ASPSCR1: variants seen among roughly 807,000 people sequenced by gnomAD.
ASPSCR1 encodes the protein ASPSCR1 tether for SLC2A4, UBX domain containing.
ASPSCR1 carries 55 observed loss-of-function variants against 68.9 expected under a neutral mutation model. The observed-to-expected ratio is 0.80, with a 90% confidence interval of 0.64 to 1.00. ASPSCR1 has a LOEUF of 1.00. Among genes scored for constraint, ASPSCR1 ranks in the 50% least tolerant of loss-of-function variants. ASPSCR1 has a pLI of 0.00. For missense variants in ASPSCR1, 765 were observed against 762.2 expected, an observed-to-expected ratio of 1.00 and a Z score of -0.04; for synonymous variants, 352 against 332.6, an observed-to-expected ratio of 1.06 and a Z score of -0.63.
At position 81,986,250 on chromosome 17, in the gene ASPSCR1, C is replaced by T. The variant is rs181623501; in HGVS notation, c.374+643C>T. Among the ~76,000 whole-genome samples the T allele has an allele frequency of 6.6e-6, 1 of 152,000 alleles. No homozygotes were observed. On this transcript the variant is annotated intron_variant, in intron 4 of 15. Transcript: ENST00000306739. This position sits in a 1 kb window ranked among gnomAD's most constrained non-coding sequence, Gnocchi z 5.2. Reference sequence around the variant, plus strand: ...ACTAGCCTCGGCAACATAGTGAAACCCCTTCTCTACAAAAAATAGAAATGT... The same window carrying T: ...ACTAGCCTCGGCAACATAGTGAAACTCCTTCTCTACAAAAAATAGAAATGT...
chr17:81,992,634 C>A (rs902816042), intron 4 of ASPSCR1, among the ~76,000 whole-genome samples: 1 of 152,208 alleles, frequency 6.6e-6, no homozygotes, highest in African/African-American at 2.4e-5. Context: ...CCCTGTCCCC[C>A]TTCCTGGCCC....
intron 12 of ASPSCR1, chr17:82,015,037 T>C (rs781146459): frequency 6.4e-7 from 1 of 1,563,496 alleles, no homozygotes; most frequent in Non-Finnish European, 8.6e-7. Flanking sequence ...GGCCCTGCTC[T>C]GGCTGGGGGG....
chr17:82,012,313 G>A (rs2042977123), intron 12 of ASPSCR1, 30 bp downstream of exon 12: 1 of 1,608,348 alleles, frequency 6.2e-7, no homozygotes, highest in Admixed American at 1.7e-5. Context: ...GGGTGCTGCG[G>A]GGCGGGGCCC....
Position 81,999,511 on chromosome 17 carries a change from C to CA in ASPSCR1, c.933+2666dup, listed in dbSNP as rs561571129. Among the ~76,000 whole-genome samples, 4 of 151,904 alleles carry CA rather than the reference C, an allele frequency of 2.6e-5. No individual in the cohort carries two copies. The highest frequency in any genetic ancestry group is 5.9e-5 in the Non-Finnish European group (4 of 67,994). On this transcript the variant is annotated intron_variant, in intron 7 of 15. Coordinates refer to ENST00000306739, the MANE Select transcript of ASPSCR1 (RefSeq NM_024083.4). This position sits in a 1 kb window ranked among gnomAD's most constrained non-coding sequence, Gnocchi z 4.4. The stretch of plus-strand genomic sequence containing the variant: ...GTGTGGTGGCAGGTGCCTGTAATCC[C>CA]AGCTACTCGGGAGACTGAGGCAGGA...
intron 7 of ASPSCR1, among the ~76,000 whole-genome samples, chr17:82,003,959 G>A (rs2144068926): frequency 6.6e-6 from 1 of 152,384 alleles, no homozygotes; most frequent in South Asian, 2.1e-4. Flanking sequence ...CGGAGCCCTG[G>A]CGGGGCAGGC....
chr17:81,986,647 G>T lies in ASPSCR1; in HGVS notation c.374+1040G>T, dbSNP rs1197882018. On this transcript the variant is annotated intron_variant, in intron 4 of 15. Coordinates refer to ENST00000306739, the MANE Select transcript of ASPSCR1 (RefSeq NM_024083.4). This position sits in a 1 kb window ranked among gnomAD's most constrained non-coding sequence, Gnocchi z 5.2. ...GCCAGGGGGTTCTCGCCCTCCCCGG[G>T]CCTCAGTTTCCTCACCTGTGCCCCG... Among the ~76,000 whole-genome samples the T allele has an allele frequency of 1.3e-5, 2 of 152,210 alleles. No individual in the cohort carries two copies. The highest frequency in any genetic ancestry group is 4.8e-5 in the African/African-American group (2 of 41,454).
At chr17:82,004,024 G>C (rs2042623556) in intron 7 of ASPSCR1, among the ~76,000 whole-genome samples, 1 of 152,250 alleles carries the variant, frequency 6.6e-6, no homozygotes, top group Non-Finnish European at 1.5e-5. Context: ...CAAACCCTCA[G>C]AGACGCTGGA....
chr17:81,978,056 G>A (rs962346711), intron 1 of ASPSCR1: 1 of 201,416 alleles, frequency 5.0e-6, no homozygotes, highest in Non-Finnish European at 9.9e-6. Context: ...AGGGCGCCGG[G>A]AAGAGGGAGG....
chr17:82,004,470 C>G (rs2042642011), intron 7 of ASPSCR1: 1 of 152,324 alleles, frequency 6.6e-6, no homozygotes, highest in Admixed American at 6.5e-5. Flanking sequence ...GCTAAAGGGG[C>G]AGAAGCATGC....
At chr17:81,996,888 C>T (rs369076013) in intron 7 of ASPSCR1, 42 bp downstream of exon 7, 6 of 1,536,492 alleles carry the variant, frequency 3.9e-6, no homozygotes, top group African/African-American at 1.4e-5. Context: ...GGTGTCCTTT[C>T]TCCTGATGTG....
At chr17:82,012,553 GC>G (rs1433398810) in intron 12 of ASPSCR1, among the ~76,000 whole-genome samples, 3 of 152,146 alleles carry the variant, frequency 2.0e-5, no homozygotes, top group Non-Finnish European at 4.4e-5. Flanking sequence ...GGAGGTCTCG[GC>G]CCCCCTGGGC....
At chr17:81,985,042 T>TC (rs369017225) in intron 3 of ASPSCR1, among the ~76,000 whole-genome samples, 394 of 26,874 alleles carry the variant, frequency 0.015, 2 homozygotes, top group African/African-American at 0.033. Context: ...TGCACACACC[T>TC]CCCCCCCACA....
In ASPSCR1 at chr17:82,009,525, C is replaced by T. The variant is rs1169501935; in HGVS notation, c.1128C>T (p.Phe376=). ...AAGCCCCCTTGGTGACCAAGGCCTT[C>T]AGGGAGGCGCAGATAAAGGAGAAGC... is the stretch of plus-strand genomic sequence containing the variant. The part of the protein sequence containing the change: ...LEEAPLVTKA[F]REAQIKEKLE... Residue 376 remains phenylalanine (F), a synonymous_variant, in exon 9 of 16, where the codon TTC becomes TTT. Transcript: ENST00000306739. The T allele has an allele frequency of 6.5e-7, 1 of 1,546,158 alleles. No individual in the cohort carries two copies. The highest frequency in any genetic ancestry group is 1.2e-5 in the South Asian group (1 of 85,072).
intron 4 of ASPSCR1, among the ~76,000 whole-genome samples, chr17:81,994,216 C>T (rs1016775099): frequency 2.6e-5 from 4 of 152,206 alleles, no homozygotes; most frequent in Non-Finnish European, 5.9e-5. Context: ...TCCTGCGGGG[C>T]GAGGCTCAGA....
rs535256146 is a variant in ASPSCR1 at position 82,000,521 on chromosome 17, G to A, written c.933+3675G>A. Among the ~76,000 whole-genome samples, 5 of 152,338 alleles carry A rather than the reference G, an allele frequency of 3.3e-5. No individual in the cohort carries two copies. The South Asian group carries it at 8.3e-4, about 25-fold the overall frequency. ...GCTGGGTCCCTTTCAGTGATGGGGG[G>A]AGGGGAGAAGGGAACAAAACAGAAC... On this transcript the variant is annotated intron_variant, in intron 7 of 15. Transcript: ENST00000306739.
chr17:82,011,085 G>C (rs923272213), intron 10 of ASPSCR1, among the ~76,000 whole-genome samples: 10 of 152,204 alleles, frequency 6.6e-5, no homozygotes, highest in Non-Finnish European at 1.5e-4. Context: ...CCCGGCCCCA[G>C]CTCAGGGAGC....
chr17:82,011,575 C>T lies in ASPSCR1; in HGVS notation c.1270C>T (p.Leu424=), dbSNP rs745709769. The T allele has an allele frequency of 1.9e-6, 3 of 1,582,270 alleles. No homozygotes were observed. The highest frequency in any genetic ancestry group is 2.3e-5 in the South Asian group (2 of 86,154). The change falls in exon 11 of 16, where the codon CTG becomes TTG. Residue 424 remains leucine, a synonymous_variant. Transcript: ENST00000306739. ...GDLRDFVRSH[L]GNPELSFYLF... ...CTTGCGAGACTTCGTGAGGAGCCAC[C>T]TGGGGAACCCCGAGCTGTCATTTTA...
intron 12 of ASPSCR1, chr17:82,015,804 G>A (rs1054076977): frequency 3.6e-4 from 76 of 211,824 alleles, no homozygotes; most frequent in Non-Finnish European, 6.3e-4. Context: ...AGCTTCCGGC[G>A]CCTCTCCAGG....
At chr17:81,997,105 C>CGCTCCAGGATGAGGCCGTGTGG (rs2042373036) in intron 7 of ASPSCR1, among the ~76,000 whole-genome samples, 2 of 144,178 alleles carry the variant, frequency 1.4e-5, no homozygotes, top group African/African-American at 5.3e-5. Context: ...AGGCCGTGTC[C>CGCTCCAGGATGAGGCCGTGTGG]GCTCCGGGAT....
Sources: gnomAD v4.1 joint callset for allele counts (sites outside exome capture counted in the v4.1 genomes callset) on GRCh38, gnomAD v4.1.1 for gene constraint, Gnocchi (gnomAD v3.1) non-coding constraint, MANE v1.5 for transcripts, NCBI Gene and HGNC (gene_info 2026-07-23, HGNC 2026-07-21) for gene names.